DOCK4: variants seen among roughly 807,000 people sequenced by gnomAD.
The protein encoded by DOCK4 is dedicator of cytokinesis protein 4.
DOCK4 carries 97 observed loss-of-function variants against 268.1 expected under a neutral mutation model. The ratio of observed to expected loss-of-function variants is 0.36; its 90% CI spans 0.31 to 0.43. The LOEUF (loss-of-function observed/expected upper bound fraction) is 0.43. DOCK4 is among the 20% of genes least tolerant of loss of function. DOCK4 has a pLI of 1.00. For synonymous variants in DOCK4, 954 were observed against 887.2 expected, an observed-to-expected ratio of 1.08 and a Z score of -1.34; for missense variants, 2,145 against 2,455.7, an observed-to-expected ratio of 0.87 and a Z score of 2.67.
chr7:111,976,536 G>C (rs989411249), intron 8 of DOCK4: 2 of 150,892 alleles, frequency 1.3e-5, no homozygotes, highest in African/African-American at 4.9e-5. Flanking sequence ...TGAGACTTTC[G>C]AATAAAAACC....
intron 41 of DOCK4, among the ~76,000 whole-genome samples, chr7:111,757,304 A>G (rs879432568): frequency 6.6e-6 from 1 of 152,078 alleles, no homozygotes. Context: ...GAAATGTAGT[A>G]CGGTGGAAAA....
At chr7:111,838,413 C>G (rs1803405866) in intron 25 of DOCK4, among the ~76,000 whole-genome samples, 1 of 151,828 alleles carries the variant, frequency 6.6e-6, no homozygotes, top group Admixed American at 6.6e-5. Context: ...CAAATGTCTA[C>G]CAAGAGGTGA....
intron 1 of DOCK4, among the ~76,000 whole-genome samples, chr7:112,121,106 A>C (rs1225385091): frequency 6.6e-6 from 1 of 152,188 alleles, no homozygotes; most frequent in Non-Finnish European, 1.5e-5. Flanking sequence ...ACAGTGCTAG[A>C]TATTTTTGTA....
chr7:112,000,786 T>C (rs1586611197), intron 2 of DOCK4, among the ~76,000 whole-genome samples: 1 of 152,338 alleles, frequency 6.6e-6, no homozygotes, highest in Non-Finnish European at 1.5e-5. Context: ...ATAATGTGAA[T>C]AAAGGCTTTA....
At chr7:111,754,571 G>T (rs1443935814) in intron 42 of DOCK4, among the ~76,000 whole-genome samples, 2 of 152,220 alleles carry the variant, frequency 1.3e-5, no homozygotes, top group Admixed American at 6.5e-5. Flanking sequence ...TGAAACAAAT[G>T]AACATTCACA....
At chr7:111,939,407 C>G (rs1795018672) in intron 11 of DOCK4, among the ~76,000 whole-genome samples, 1 of 150,622 alleles carries the variant, frequency 6.6e-6, no homozygotes, top group Admixed American at 6.7e-5. Flanking sequence ...CCCAGCTACT[C>G]AGGAGGCTGG....
intron 1 of DOCK4, among the ~76,000 whole-genome samples, chr7:112,191,222 C>T (rs1424689320): frequency 6.6e-6 from 1 of 152,210 alleles, no homozygotes; most frequent in East Asian, 1.9e-4. Flanking sequence ...TCCCAAGTAG[C>T]TGGGACAAGT....
chr7:112,059,713 A>T (rs1023394944), intron 1 of DOCK4, among the ~76,000 whole-genome samples: 1 of 152,200 alleles, frequency 6.6e-6, no homozygotes, highest in African/African-American at 2.4e-5. Context: ...TTTTAGGAAA[A>T]CATGGACATG....
At chr7:111,756,752 C>T (rs1463952815) in intron 41 of DOCK4, among the ~76,000 whole-genome samples, 1 of 150,036 alleles carries the variant, frequency 6.7e-6, no homozygotes, top group African/African-American at 2.5e-5. Flanking sequence ...TTACTCAAAC[C>T]ACAACAAAAA....
At chr7:111,834,522 G>T in intron 26 of DOCK4, 66 bp downstream of exon 26, 1 of 1,206,254 alleles carries the variant, frequency 8.3e-7, no homozygotes, top group Non-Finnish European at 1.2e-6. Context: ...TATCTCAACA[G>T]TGATGAATAA....
intron 26 of DOCK4, among the ~76,000 whole-genome samples, chr7:111,825,271 G>A (rs1802305794): frequency 1.3e-5 from 2 of 152,074 alleles, no homozygotes; most frequent in African/African-American, 4.8e-5. Flanking sequence ...GTATTTACAT[G>A]TAATTTAGTT....
intron 13 of DOCK4, among the ~76,000 whole-genome samples, chr7:111,905,714 C>A (rs976817251): frequency 3.1e-5 from 4 of 130,080 alleles, no homozygotes; most frequent in African/African-American, 9.1e-5. Context: ...TGTGTGTGCA[C>A]GTGTATTGCG....
chr7:111,977,311 G>A (rs1281323666), intron 7 of DOCK4, 28 bp from the exon 8 acceptor site: 39 of 1,575,586 alleles, frequency 2.5e-5, no homozygotes, highest in Non-Finnish European at 3.3e-5. Flanking sequence ...ACAAAAACAT[G>A]ATCAGCATGG....
At chr7:111,746,462 G>GCAAGT in intron 43 of DOCK4, 45 bp from the exon 44 acceptor site, 2 of 1,459,038 alleles carry the variant, frequency 1.4e-6, no homozygotes, top group East Asian at 2.3e-5. Flanking sequence ...GGAGTACAAG[G>GCAAGT]CAAGTCAAAG....
intron 1 of DOCK4, among the ~76,000 whole-genome samples, chr7:112,171,750 T>A (rs1363170892): frequency 6.6e-6 from 1 of 152,232 alleles, no homozygotes; most frequent in East Asian, 1.9e-4. Flanking sequence ...TTTCAAACAA[T>A]TCTTCTAGCT....
intron 21 of DOCK4, 170 bp downstream of exon 21, chr7:111,869,404 C>T: frequency 1.6e-6 from 1 of 622,658 alleles, no homozygotes; most frequent in Non-Finnish European, 2.9e-6. Flanking sequence ...GCAAAGTCCC[C>T]TTCAAATTTC....
chr7:111,915,754 T>C (rs777356945), intron 13 of DOCK4, 25 bp downstream of exon 13: 2 of 1,609,672 alleles, frequency 1.2e-6, no homozygotes, highest in East Asian at 2.2e-5. Context: ...TATTTCATCA[T>C]ATCGGTACGT....
chr7:111,859,590 C>T lies in DOCK4; in HGVS notation c.2473+3782G>A, dbSNP rs1408991380. On this transcript the variant is annotated intron_variant, in intron 23 of 52. Coordinates refer to ENST00000428084, the MANE Select transcript of DOCK4 (RefSeq NM_001363540.2). The stretch of plus-strand genomic sequence containing the variant: ...TTTTTTTTTTTTTTTTTTTTTGAGG[C>T]GGAGTCTCGCTCTGTCGCCCAGGCT... 1.7e-4 allele frequency among the ~76,000 whole-genome samples: 17 copies of T among 97,712 alleles called. 1 individual carries two copies. In the East Asian group the frequency reaches 3.1e-3, roughly 18 times the overall value. 64.1% of individuals were successfully genotyped at this position (97,712 alleles called of 152,430 possible). A position where few individuals can be genotyped will look rare whatever the true frequency, so the allele number is the denominator to read the frequency against.
Position 111,945,792 on chromosome 7 carries a change from T to C in DOCK4, c.708A>G (p.Arg236=). Residue 236 remains arginine (R), a synonymous_variant, in exon 9 of 53, where the codon AGA becomes AGG. Transcript: ENST00000428084. ...CGTTTCTATTCAGCCTCAAGAAAAA[T>C]CTCTCACTACAAGAGAAAAAATGTT... ...DSKENRPISE[R]FFLRLNRNGL... 6.3e-7 allele frequency: 1 copy of C among 1,585,710 alleles called. No individual in the cohort carries two copies. The highest frequency in any genetic ancestry group is 8.6e-7 in the Non-Finnish European group (1 of 1,165,314).
Sources: allele counts gnomAD v4.1 joint callset (sites outside exome capture counted in the v4.1 genomes callset), GRCh38; gene constraint gnomAD v4.1.1; transcripts MANE v1.5; gene names NCBI Gene and HGNC (gene_info 2026-07-23, HGNC 2026-07-21).